The following VTI1A variants were observed in gnomAD, a reference collection of about 807,000 sequenced individuals.
VTI1A encodes the protein vesicle transport through interaction with t-SNAREs homolog 1A.
Under a neutral mutation model 34.9 loss-of-function variants are expected in VTI1A, and 22 were observed. That is an observed-to-expected ratio of 0.63 (90% CI 0.45 to 0.90). The LOEUF (loss-of-function observed/expected upper bound fraction) is 0.90, where lower values mean the gene tolerates loss of function less well. Ranked by LOEUF, VTI1A falls within the 40% of genes least tolerant of loss-of-function variation. VTI1A has a pLI of 0.00. For missense variants in VTI1A, 268 were observed against 275.6 expected (o/e 0.97, Z 0.20); for synonymous variants, 87 against 97.3 (o/e 0.89, Z 0.62).
chr10:112,587,417 A>T (rs2134419718), intron 5 of VTI1A, among the ~76,000 whole-genome samples: 1 of 152,252 alleles, frequency 6.6e-6, no homozygotes, highest in East Asian at 1.9e-4. Flanking sequence ...AGCTGGCATA[A>T]AAAAATAAGT....
rs1853579888 is a variant in VTI1A, at chr10:112,818,249, C to G, written c.*2866C>G. 8.6e-6 allele frequency: 2 copies of G among 233,142 alleles called. No individual in the cohort carries two copies. The highest frequency in any genetic ancestry group is 4.4e-5 in the African/African-American group (2 of 45,322). 14.4% of individuals were successfully genotyped at this position (233,142 alleles called of 1,614,324 possible). ...GCGGCTCTGGCCATCCCATGCGGGGCAAGCCCATTGAGGGTTATCATTAAG... is the reference window on the plus strand; with the variant it reads ...GCGGCTCTGGCCATCCCATGCGGGGGAAGCCCATTGAGGGTTATCATTAAG... On this transcript the variant is annotated 3_prime_UTR_variant, in exon 8 of 8. Coordinates refer to ENST00000393077, the MANE Select transcript of VTI1A (RefSeq NM_145206.4).
chr10:112,691,314 C>T (rs568825453), intron 7 of VTI1A, among the ~76,000 whole-genome samples: 7 of 141,296 alleles, frequency 5.0e-5, no homozygotes, highest in Non-Finnish European at 7.9e-5. Flanking sequence ...AATGAAAGTT[C>T]CACAGATAAT....
intron 5 of VTI1A, among the ~76,000 whole-genome samples, chr10:112,542,576 C>T (rs1850910389): frequency 6.6e-6 from 1 of 152,146 alleles, no homozygotes; most frequent in Non-Finnish European, 1.5e-5. Context: ...GGTGCTCGAG[C>T]CTTCACCCAG....
chr10:112,835,452 C>T, the VTI1A span, among the ~76,000 whole-genome samples: 11 of 152,320 alleles, frequency 7.2e-5, no homozygotes, highest in African/African-American at 2.6e-4. Context: ...CTGCAGTTCT[C>T]GCTTAATGAA....
intron 7 of VTI1A, among the ~76,000 whole-genome samples, chr10:112,686,523 T>G (rs1848421188): frequency 6.6e-6 from 1 of 152,202 alleles, no homozygotes; most frequent in Admixed American, 6.5e-5. Context: ...TGTTGGTATT[T>G]AATTATTGAT....
the VTI1A span, among the ~76,000 whole-genome samples, chr10:112,829,271 C>T: frequency 0.61 from 92,010 of 151,582 alleles, 28,234 homozygotes; most frequent in South Asian, 0.72. Flanking sequence ...GGTGAAACCC[C>T]GTCTCTACTA....
At chr10:112,744,265 A>G (rs1312165457) in intron 7 of VTI1A, among the ~76,000 whole-genome samples, 3 of 152,086 alleles carry the variant, frequency 2.0e-5, no homozygotes, top group Non-Finnish European at 4.4e-5. Context: ...TTAATTCTCA[A>G]CCCCCTCCAA....
chr10:112,845,436 A>C, the VTI1A span, among the ~76,000 whole-genome samples: 5 of 152,174 alleles, frequency 3.3e-5, no homozygotes, highest in East Asian at 9.6e-4. Flanking sequence ...TGGTTCCCGA[A>C]TTCCCCCACC....
At chr10:112,611,840 C>A (rs1308411968) in intron 5 of VTI1A, among the ~76,000 whole-genome samples, 1 of 147,034 alleles carries the variant, frequency 6.8e-6, no homozygotes, top group Non-Finnish European at 1.5e-5. Flanking sequence ...CTCCTGGGTT[C>A]ACGTCATTGT....
In VTI1A at chr10:112,650,362, G is replaced by C. The variant is rs140480524; in HGVS notation, c.428-17856G>C. Among the ~76,000 whole-genome samples the C allele has an allele frequency of 8.1e-4, 124 of 152,220 alleles. 2 individuals are homozygous for C. The East Asian group carries it at 0.01, about 13-fold the overall frequency. ...AACTTGTCCCACTGGAAGATCTGCA[G>C]GGCCAATAACATGCATGGAGCTGTC... On this transcript the variant is annotated intron_variant, in intron 5 of 7. Coordinates refer to ENST00000393077, the MANE Select transcript of VTI1A (RefSeq NM_145206.4).
upstream of VTI1A, chr10:112,447,120 G>T (rs1846852295): frequency 5.9e-6 from 3 of 506,674 alleles, no homozygotes; most frequent in Non-Finnish European, 1.1e-5. Flanking sequence ...GGCACTAATT[G>T]GGGCGCTTTT....
intron 5 of VTI1A, among the ~76,000 whole-genome samples, chr10:112,594,848 G>T (rs1301908530): frequency 1.3e-5 from 2 of 151,644 alleles, no homozygotes; most frequent in East Asian, 1.9e-4. Flanking sequence ...AACCCGCATC[G>T]CCAAGTCAAT....
chr10:112,579,600 A>C (rs1241039215), intron 5 of VTI1A, among the ~76,000 whole-genome samples: 1 of 152,214 alleles, frequency 6.6e-6, no homozygotes, highest in Non-Finnish European at 1.5e-5. Flanking sequence ...GATTGAACAA[A>C]GTTTCCAAAT....
chr10:112,475,058 C>T (rs1378973236), intron 3 of VTI1A, among the ~76,000 whole-genome samples: 3 of 152,208 alleles, frequency 2.0e-5, no homozygotes, highest in Non-Finnish European at 2.9e-5. Context: ...GGTTCGTGTT[C>T]TTGACCCTTC....
chr10:112,536,348 A>G (rs1850612099), intron 4 of VTI1A, among the ~76,000 whole-genome samples: 1 of 152,210 alleles, frequency 6.6e-6, no homozygotes, highest in African/African-American at 2.4e-5. Context: ...GGTAGAAAAC[A>G]ATTTTCAAGG....
chr10:112,567,040 A>G (rs1377977928), intron 5 of VTI1A, among the ~76,000 whole-genome samples: 1 of 151,924 alleles, frequency 6.6e-6, no homozygotes, highest in Non-Finnish European at 1.5e-5. Flanking sequence ...GCTATAATGT[A>G]ATTTATTTAG....
chr10:112,546,351 G>T (rs1474875605), intron 5 of VTI1A, among the ~76,000 whole-genome samples: 2 of 152,066 alleles, frequency 1.3e-5, no homozygotes, highest in Non-Finnish European at 2.9e-5. Context: ...AAGACTGCTT[G>T]AAGTCAGGAA....
intron 5 of VTI1A, among the ~76,000 whole-genome samples, chr10:112,636,570 T>A (rs1309380740): frequency 2.0e-5 from 3 of 151,508 alleles, no homozygotes; most frequent in East Asian, 2.0e-4. Flanking sequence ...CTAAAAAAAA[T>A]ATATAAAAAT....
At chr10:112,755,158 A>T (rs1293717200) in intron 7 of VTI1A, among the ~76,000 whole-genome samples, 1 of 152,154 alleles carries the variant, frequency 6.6e-6, no homozygotes, top group African/African-American at 2.4e-5. Flanking sequence ...CAGGAGGCTG[A>T]GGCACGAGAA....
Sources: allele counts gnomAD v4.1 joint callset (sites outside exome capture counted in the v4.1 genomes callset), GRCh38; gene constraint gnomAD v4.1.1; transcripts MANE v1.5; gene names NCBI Gene and HGNC (gene_info 2026-07-23, HGNC 2026-07-21).